NEDD4L: variants seen among roughly 807,000 people sequenced by gnomAD.
NEDD4L encodes E3 ubiquitin-protein ligase NEDD4-like.
Under a neutral mutation model 148.9 loss-of-function variants are expected in NEDD4L, and 54 were observed. The observed-to-expected ratio is 0.36, with a 90% CI of 0.29 to 0.45. NEDD4L has a LOEUF of 0.45. NEDD4L is among the 20% of genes least tolerant of loss of function. The probability of loss-of-function intolerance (pLI) is 1.00; values close to 1 mark genes in which losing one functional copy is unlikely to be tolerated. For synonymous variants in NEDD4L, 433 were observed against 440.7 expected (o/e 0.98, Z 0.22); for missense variants, 856 against 1,233.8 (o/e 0.69, Z 4.59).
intron 5 of NEDD4L, among the ~76,000 whole-genome samples, chr18:58,313,944 G>T (rs375866324): frequency 2.7e-4 from 41 of 152,358 alleles, no homozygotes; most frequent in African/African-American, 9.4e-4. Context: ...GAATAAGATT[G>T]TCTTGTCCTT....
intron 2 of NEDD4L, among the ~76,000 whole-genome samples, chr18:58,188,442 G>A (rs1002764560): frequency 1.4e-4 from 22 of 152,104 alleles, no homozygotes; most frequent in Non-Finnish European, 2.8e-4. Context: ...CCACCGAGTG[G>A]GTCCACCTCT....
chr18:58,086,044 G>C (rs2083741838), intron 1 of NEDD4L, among the ~76,000 whole-genome samples: 1 of 152,118 alleles, frequency 6.6e-6, no homozygotes, highest in Non-Finnish European at 1.5e-5. Context: ...TTTGGTTTGG[G>C]TAGATTTTGC....
chr18:58,124,232 G>C (rs1378044532), intron 1 of NEDD4L, among the ~76,000 whole-genome samples: 1 of 152,194 alleles, frequency 6.6e-6, no homozygotes, highest in Non-Finnish European at 1.5e-5. Flanking sequence ...CCGGATGTCA[G>C]TGCCAGCTGT....
In NEDD4L at chr18:58,228,665, C is replaced by T. The variant is rs2044672975; in HGVS notation, c.123-16762C>T. Among the ~76,000 whole-genome samples, 3 of 152,224 alleles carry T rather than the reference C, an allele frequency of 2.0e-5. No individual in the cohort carries two copies. In the South Asian group the frequency reaches 6.2e-4, roughly 31 times the overall value. On this transcript the variant is annotated intron_variant, in intron 2 of 30. Coordinates refer to ENST00000400345, the MANE Select transcript of NEDD4L (RefSeq NM_001144967.3). ...GGTTGGGATGGCCGGAGGGGGCCCT[C>T]ATTTGCTTGCCTGGTGCTCAAGCCT... is the stretch of plus-strand genomic sequence containing the variant.
intron 18 of NEDD4L, among the ~76,000 whole-genome samples, chr18:58,352,761 A>G (rs561318154): frequency 5.9e-5 from 9 of 152,366 alleles, no homozygotes; most frequent in Admixed American, 4.6e-4. Context: ...ACAGGTCTTT[A>G]CTGGTAACAC....
chr18:58,252,148 T>A, intron 5 of NEDD4L, 94 bp downstream of exon 5: 2 of 820,098 alleles, frequency 2.4e-6, no homozygotes, highest in Non-Finnish European at 4.3e-6. Context: ...ATGTTGTACT[T>A]AGGACAGTAT....
At chr18:58,296,543 G>C (rs1265728644) in intron 5 of NEDD4L, among the ~76,000 whole-genome samples, 1 of 152,186 alleles carries the variant, frequency 6.6e-6, no homozygotes, top group Non-Finnish European at 1.5e-5. Flanking sequence ...CAGCTTCTGG[G>C]GGCTGCCAGC....
At chr18:58,129,195 G>A (rs1341344785) in intron 1 of NEDD4L, among the ~76,000 whole-genome samples, 1 of 152,230 alleles carries the variant, frequency 6.6e-6, no homozygotes, top group Non-Finnish European at 1.5e-5. Flanking sequence ...AAGACACAAA[G>A]GGCTGACTGA....
chr18:58,382,518 A>G (rs1049800090), intron 24 of NEDD4L, among the ~76,000 whole-genome samples: 25 of 152,152 alleles, frequency 1.6e-4, no homozygotes, highest in Non-Finnish European at 3.4e-4. Context: ...AATTTCTACA[A>G]TGAGAAAAAA....
chr18:58,062,812 C>A (rs1850832710), intron 1 of NEDD4L, among the ~76,000 whole-genome samples: 1 of 152,014 alleles, frequency 6.6e-6, no homozygotes, highest in Non-Finnish European at 1.5e-5. Context: ...CACGGTGAAA[C>A]CCCGTCTCTG....
In NEDD4L at chr18:58,151,658, T is replaced by TGTGTGTGTGTGTGTGTGTGTGTG. The variant is rs60365242; in HGVS notation, c.49-14130_49-14129insGTGTGTGTGTGTGTGTGTGTGTG. ...GTGTGTGTGTGTGTGTGTGTGTGTG[T>TGTGTGTGTGTGTGTGTGTGTGTG]TGGCTGGAGAAGGCTTACCAGTGGT... On this transcript the variant is annotated intron_variant, in intron 1 of 30. Transcript: ENST00000400345. Among the ~76,000 whole-genome samples the TGTGTGTGTGTGTGTGTGTGTGTG allele has an allele frequency of 1.1e-4, 17 of 151,152 alleles. No individual in the cohort carries two copies. In the East Asian group the frequency reaches 1.2e-3, roughly 10 times the overall value.
chr18:58,137,468 G>A (rs932335521), intron 1 of NEDD4L, among the ~76,000 whole-genome samples: 1 of 152,160 alleles, frequency 6.6e-6, no homozygotes, highest in Non-Finnish European at 1.5e-5. Flanking sequence ...TGGGGAGTGG[G>A]TTTATTAGCT....
At chr18:58,061,481 T>G (rs1318944211) in intron 1 of NEDD4L, among the ~76,000 whole-genome samples, 2 of 912 alleles carry the variant, frequency 2.2e-3, no homozygotes, top group African/African-American at 0.11. Flanking sequence ...CTGTGGGTTG[T>G]TTTTTTTTTT....
intron 2 of NEDD4L, among the ~76,000 whole-genome samples, chr18:58,231,619 G>A (rs2045248806): frequency 6.6e-6 from 1 of 152,196 alleles, no homozygotes; most frequent in Non-Finnish European, 1.5e-5. Flanking sequence ...CTGGAGTGCT[G>A]TGGCTTGATC....
At chr18:58,085,148 G>A (rs2083692605) in intron 1 of NEDD4L, among the ~76,000 whole-genome samples, 2 of 152,208 alleles carry the variant, frequency 1.3e-5, no homozygotes, top group Admixed American at 6.5e-5. Context: ...CCCATTCTGA[G>A]GTAGTGAAGG....
At chr18:58,341,387 T>G (rs2042399327) in intron 14 of NEDD4L, among the ~76,000 whole-genome samples, 1 of 152,208 alleles carries the variant, frequency 6.6e-6, no homozygotes, top group Non-Finnish European at 1.5e-5. Context: ...AAATGTGACG[T>G]GAAAGATATT....
chr18:58,384,421 A>G (rs984306664), intron 25 of NEDD4L, among the ~76,000 whole-genome samples: 2 of 152,220 alleles, frequency 1.3e-5, no homozygotes, highest in Non-Finnish European at 2.9e-5. Context: ...CTGAATATGA[A>G]CAATCTTAGC....
At chr18:58,349,197 G>C (rs561627934) in intron 16 of NEDD4L, among the ~76,000 whole-genome samples, 5 of 152,192 alleles carry the variant, frequency 3.3e-5, no homozygotes, top group African/African-American at 1.2e-4. Context: ...CTCCCTCTTT[G>C]TGCCACATTC....
chr18:58,120,433 C>T (rs1397373204), intron 1 of NEDD4L, among the ~76,000 whole-genome samples: 1 of 152,198 alleles, frequency 6.6e-6, no homozygotes, highest in Non-Finnish European at 1.5e-5. Context: ...ACATAAAATA[C>T]TATCAGTACA....
Sources: allele counts gnomAD v4.1 joint callset (sites outside exome capture counted in the v4.1 genomes callset), GRCh38; gene constraint gnomAD v4.1.1; transcripts MANE v1.5; gene names NCBI Gene and HGNC (gene_info 2026-07-23, HGNC 2026-07-21).